The following AKR1B15 variants were observed in gnomAD, a reference collection of about 807,000 sequenced individuals.
AKR1B15 encodes the protein aldo-keto reductase family 1 member B15.
Under a neutral mutation model 38.5 loss-of-function variants are expected in AKR1B15, and 49 were observed. The ratio of observed to expected loss-of-function variants is 1.27; its 90% CI spans 1.01 to 1.62. The LOEUF is 1.62. Ranked by LOEUF, AKR1B15 falls within the 40% of genes most tolerant of loss-of-function variation. The pLI is 0.00. For missense variants in AKR1B15, 411 were observed against 381.6 expected (o/e 1.08, Z -0.64); for synonymous variants, 137 against 135.5 (o/e 1.01, Z -0.08).
chr7:134,560,566 C>T (rs1585794676), intron 2 of AKR1B15, among the ~76,000 whole-genome samples: 2 of 152,202 alleles, frequency 1.3e-5, no homozygotes, highest in East Asian at 3.8e-4. Flanking sequence ...AGATATCCCT[C>T]CTCACTGATT....
chr7:134,555,476 C>A (rs2117612382), intron 1 of AKR1B15, among the ~76,000 whole-genome samples: 1 of 152,228 alleles, frequency 6.6e-6, no homozygotes, highest in Middle Eastern at 3.4e-3. Context: ...CCCCTTAAAA[C>A]TGCGCCTAAG....
intron 5 of AKR1B15, chr7:134,570,508 A>T (rs1388702422): frequency 3.3e-5 from 5 of 152,102 alleles, no homozygotes; most frequent in Admixed American, 3.3e-4. Flanking sequence ...CCGAAACGTG[A>T]TGTCTCCCCC....
intron 3 of AKR1B15, among the ~76,000 whole-genome samples, chr7:134,567,227 T>C (rs1269310999): frequency 2.0e-5 from 3 of 152,238 alleles, no homozygotes; most frequent in Non-Finnish European, 4.4e-5. Flanking sequence ...GACTATTTTG[T>C]GAGAGATCAA....
At chr7:134,552,414 C>T (rs568653384) in intron 1 of AKR1B15, among the ~76,000 whole-genome samples, 8 of 152,280 alleles carry the variant, frequency 5.3e-5, no homozygotes, top group Admixed American at 3.9e-4. Flanking sequence ...CCACCATCTG[C>T]CAGCTGTTGT....
Position 134,575,837 on chromosome 7 carries a change from A to G in AKR1B15, c.653A>G (p.Tyr218Cys), listed in dbSNP as rs374929844. 63 of 1,613,584 alleles carry G rather than the reference A, an allele frequency of 3.9e-5. No individual in the cohort carries two copies. The highest frequency in any genetic ancestry group is 4.3e-5 in the Non-Finnish European group (51 of 1,179,798). The stretch of plus-strand genomic sequence containing the variant: ...CTGTTGCAGGTTGAGTGTCACCCAT[A>G]CCTCACGCAGGAGAAACTGATCCAG... Reference protein sequence around the residue: ...PVTNQVECHPYLTQEKLIQYC... With the variant: ...PVTNQVECHPCLTQEKLIQYC... Residue 218 changes from tyrosine to cysteine, a missense_variant, in exon 8 of 12, where the codon TAC (tyrosine) becomes TGC (cysteine). Around this residue, in one of 3 missense-constraint regions of AKR1B15, gnomAD observed 24 missense variants for 48.9 expected, o/e 0.49. Coordinates refer to ENST00000457545, the MANE Select transcript of AKR1B15 (RefSeq NM_001080538.3).
intron 4 of AKR1B15, among the ~76,000 whole-genome samples, chr7:134,568,578 C>T (rs750426174): frequency 9.9e-5 from 15 of 152,192 alleles, no homozygotes; most frequent in Non-Finnish European, 1.9e-4. Flanking sequence ...CTCCCTGTTC[C>T]CCATCAGAGG....
At chr7:134,554,168 G>A (rs1794106128) in intron 1 of AKR1B15, among the ~76,000 whole-genome samples, 1 of 152,146 alleles carries the variant, frequency 6.6e-6, no homozygotes, top group Admixed American at 6.5e-5. Context: ...CTCAACAGGT[G>A]GCTGCAATTC....
At chr7:134,560,823 A>G (rs1585795089) in intron 2 of AKR1B15, among the ~76,000 whole-genome samples, 1 of 152,220 alleles carries the variant, frequency 6.6e-6, no homozygotes, top group African/African-American at 2.4e-5. Flanking sequence ...CCAACTGAAC[A>G]GAAAACATAC....
chr7:134,551,767 G>A (rs1296665154), intron 1 of AKR1B15, among the ~76,000 whole-genome samples: 1 of 152,174 alleles, frequency 6.6e-6, no homozygotes, highest in African/African-American at 2.4e-5. Flanking sequence ...AAACGTGAGA[G>A]GACTCCCCTA....
intron 1 of AKR1B15, among the ~76,000 whole-genome samples, chr7:134,556,053 C>T (rs1447798031): frequency 2.0e-5 from 3 of 152,156 alleles, no homozygotes; most frequent in Non-Finnish European, 4.4e-5. Context: ...GGTATTACAG[C>T]ATGTCATAGG....
intron 3 of AKR1B15, chr7:134,565,382 AAGCCAGCG>A (rs564711317): frequency 1.3e-5 from 20 of 1,588,312 alleles, no homozygotes; most frequent in Non-Finnish European, 1.7e-5. Flanking sequence ...TTCATTCTTG[AAGCCAGCG>A]AGACCACGAA....
intron 2 of AKR1B15, among the ~76,000 whole-genome samples, chr7:134,563,623 T>C (rs895216757): frequency 2.0e-5 from 3 of 152,128 alleles, no homozygotes; most frequent in Admixed American, 2.0e-4. Flanking sequence ...TTGGAGAACT[T>C]TTCTCTTTAG....
At chr7:134,572,056 A>G (rs1794680128) in intron 6 of AKR1B15, among the ~76,000 whole-genome samples, 1 of 152,206 alleles carries the variant, frequency 6.6e-6, no homozygotes, top group Non-Finnish European at 1.5e-5. Flanking sequence ...CTTTAAAGAA[A>G]AAAGGTCTTA....
Position 134,579,491 on chromosome 7 carries a change from TTC to T in AKR1B15, c.993-6_993-5del, listed in dbSNP as rs571809496. On this transcript the variant is annotated splice_polypyrimidine_tract_variant and intron_variant, in intron 11 of 11. Transcript: ENST00000457545. Reference sequence around the variant, plus strand: ...GATGGAACACAGTTTCTTTTTTTTTTTCTCTCTCTCTGTAGATTCTCTCATTT... The same window carrying T: ...GATGGAACACAGTTTCTTTTTTTTTTTCTCTCTCTGTAGATTCTCTCATTT... The T allele has an allele frequency of 1.1e-5, 18 of 1,566,166 alleles. No individual in the cohort carries two copies. In the East Asian group the frequency reaches 2.0e-4, roughly 18 times the overall value.
At chr7:134,554,147 T>C (rs748639664) in intron 1 of AKR1B15, among the ~76,000 whole-genome samples, 1 of 152,208 alleles carries the variant, frequency 6.6e-6, no homozygotes, top group Non-Finnish European at 1.5e-5. Context: ...TGCTTGAAGC[T>C]GTTTGGCTCC....
chr7:134,562,834 C>CTTTCTT (rs934346083), intron 2 of AKR1B15, among the ~76,000 whole-genome samples: 2 of 25,364 alleles, frequency 7.9e-5, no homozygotes, highest in African/African-American at 3.6e-4. Flanking sequence ...CTTCCTTTCT[C>CTTTCTT]TTTCTTTCTT....
intron 2 of AKR1B15, among the ~76,000 whole-genome samples, chr7:134,557,942 T>A (rs949586623): frequency 8.5e-6 from 1 of 117,802 alleles, no homozygotes; most frequent in African/African-American, 4.2e-5. Flanking sequence ...CTCCATGCCC[T>A]CCTCCTACTG....
At chr7:134,560,851 A>AC (rs1401317893) in intron 2 of AKR1B15, among the ~76,000 whole-genome samples, 4 of 152,244 alleles carry the variant, frequency 2.6e-5, no homozygotes, top group African/African-American at 9.6e-5. Context: ...GGACCTCTGA[A>AC]CAACTGCCTG....
chr7:134,554,672 G>C (rs1388929186), intron 1 of AKR1B15, among the ~76,000 whole-genome samples: 1 of 152,134 alleles, frequency 6.6e-6, no homozygotes, highest in South Asian at 2.1e-4. Context: ...CTTTACAGAG[G>C]TAAAACCACA....
Sources: gnomAD v4.1 joint callset for allele counts (sites outside exome capture counted in the v4.1 genomes callset) on GRCh38, gnomAD v4.1.1 for gene constraint, gnomAD v4.1.1 regional missense constraint, MANE v1.5 for transcripts, NCBI Gene and HGNC (gene_info 2026-07-23, HGNC 2026-07-21) for gene names.